Variants in PTK2B observed in about 807,000 individuals in gnomAD.
PTK2B encodes the protein protein tyrosine kinase 2 beta.
Under a neutral mutation model 142.9 loss-of-function variants are expected in PTK2B, and 71 were observed. That is an observed-to-expected ratio of 0.50 (90% CI 0.41 to 0.61). The LOEUF (loss-of-function observed/expected upper bound fraction) is 0.61, where lower values mean the gene tolerates loss of function less well. Among genes scored for constraint, PTK2B ranks in the 20% least tolerant of loss-of-function variants. The pLI is 0.00. For synonymous variants in PTK2B, 519 were observed against 503.4 expected, an observed-to-expected ratio of 1.03 and a Z score of -0.42; for missense variants, 1,105 against 1,320.4, an observed-to-expected ratio of 0.84 and a Z score of 2.53.
chr8:27,335,025 T>C (rs1425022202), intron 1 of PTK2B, among the ~76,000 whole-genome samples: 1 of 152,100 alleles, frequency 6.6e-6, no homozygotes, highest in African/African-American at 2.4e-5. Context: ...AGGAGAAAGA[T>C]GGGGAGGAGG....
At chr8:27,364,308 G>A (rs1356524872) in intron 1 of PTK2B, among the ~76,000 whole-genome samples, 1 of 152,244 alleles carries the variant, frequency 6.6e-6, no homozygotes, top group African/African-American at 2.4e-5. Flanking sequence ...ATACTCCTGG[G>A]TGAATGATGG....
rs190026336 is a variant in PTK2B at position 27,432,100 on chromosome 8, G to A, written c.886-160G>A. The A allele has an allele frequency of 1.1e-4, 67 of 610,692 alleles. No individual in the cohort carries two copies. The Admixed American group carries it at 1.6e-3, about 15-fold the overall frequency. 37.8% of individuals were successfully genotyped at this position (610,692 alleles called of 1,614,324 possible). On this transcript the variant is annotated intron_variant, in intron 9 of 30. Coordinates refer to ENST00000346049, the MANE Select transcript of PTK2B (RefSeq NM_173176.3). ...GGAAGCCAAAAGATTGGACACCCCT[G>A]AACTAGAGGATCCTTCTAGCCTTAA...
At position 27,458,812 on chromosome 8, in the gene PTK2B, G is replaced by C. The variant is rs1812318459; in HGVS notation, c.*303G>C. On this transcript the variant is annotated 3_prime_UTR_variant, in exon 31 of 31. Coordinates refer to ENST00000346049, the MANE Select transcript of PTK2B (RefSeq NM_173176.3). ...CTGGTCCATGCAGGGGGCTCCTGGGGGTGGGGAGGTGTCACATGGTGCCCC... is the reference window on the plus strand; with the variant it reads ...CTGGTCCATGCAGGGGGCTCCTGGGCGTGGGGAGGTGTCACATGGTGCCCC... The C allele has an allele frequency of 2.1e-6, 1 of 477,972 alleles. No homozygotes were observed. The highest frequency in any genetic ancestry group is 3.8e-6 in the Non-Finnish European group (1 of 262,462). 29.6% of individuals were successfully genotyped at this position (477,972 alleles called of 1,614,324 possible).
chr8:27,382,424 G>A (rs1426865720), intron 1 of PTK2B, among the ~76,000 whole-genome samples: 1 of 152,140 alleles, frequency 6.6e-6, no homozygotes, highest in Admixed American at 6.6e-5. Context: ...CACTCTGTCA[G>A]TTGTTTCCTT....
At chr8:27,382,005 A>G (rs1372726358) in intron 1 of PTK2B, among the ~76,000 whole-genome samples, 1 of 152,226 alleles carries the variant, frequency 6.6e-6, no homozygotes. Context: ...GCTGGAATGC[A>G]GTGGCATGAT....
chr8:27,428,159 A>G (rs1182444090), intron 5 of PTK2B, among the ~76,000 whole-genome samples: 1 of 152,158 alleles, frequency 6.6e-6, no homozygotes, highest in East Asian at 1.9e-4. Flanking sequence ...CCTCACATAC[A>G]TGGTTCACAC....
chr8:27,415,118 G>C (rs770449005), intron 2 of PTK2B, among the ~76,000 whole-genome samples: 1 of 152,202 alleles, frequency 6.6e-6, no homozygotes, highest in Non-Finnish European at 1.5e-5. Flanking sequence ...CTTGGGCCAA[G>C]CACCGTTCTA....
chr8:27,362,820 A>T (rs1452511782), intron 1 of PTK2B, among the ~76,000 whole-genome samples: 1 of 151,092 alleles, frequency 6.6e-6, no homozygotes, highest in Non-Finnish European at 1.5e-5. Flanking sequence ...TCCCACACGA[A>T]ATCTAGAACT....
chr8:27,453,297 T>C (rs1490279512), intron 28 of PTK2B, 137 bp downstream of exon 28: 1 of 1,200,154 alleles, frequency 8.3e-7, no homozygotes, highest in African/African-American at 1.5e-5. Context: ...AGCCCGGGGT[T>C]AGGGGGCGGG....
chr8:27,351,481 CACAG>C (rs1322320030), intron 1 of PTK2B, among the ~76,000 whole-genome samples: 1 of 152,128 alleles, frequency 6.6e-6, no homozygotes, highest in Non-Finnish European at 1.5e-5. Flanking sequence ...TCCACAGCCA[CACAG>C]ACAAAGAATT....
rs139042059 is a variant in PTK2B, at chr8:27,383,198, A to G, written c.-37-14350A>G. Among the ~76,000 whole-genome samples, 500 of 152,158 alleles carry G rather than the reference A, an allele frequency of 3.3e-3. 3 individuals carry two copies. Among genetic ancestry groups the G allele is most frequent in the African/African-American group, 0.011 (475 of 41,498 alleles). On this transcript the variant is annotated intron_variant, in intron 1 of 30. Transcript: ENST00000346049. ...TTATTCCAATCCATGAACATGGAAC[A>G]TTTTTCCATTTTGTGTGTGTGTCCT... is the stretch of plus-strand genomic sequence containing the variant.
At chr8:27,394,122 A>G (rs1177593718) in intron 1 of PTK2B, among the ~76,000 whole-genome samples, 2 of 152,190 alleles carry the variant, frequency 1.3e-5, no homozygotes, top group Non-Finnish European at 2.9e-5. Context: ...GCAGGTAATT[A>G]TAACACAATT....
rs545779914 is a variant in PTK2B at position 27,383,239 on chromosome 8, AC to A, written c.-37-14302del. On this transcript the variant is annotated intron_variant, in intron 1 of 30. Coordinates refer to ENST00000346049, the MANE Select transcript of PTK2B (RefSeq NM_173176.3). ...TGTGTGTCCTCTTCTAATTCTTCCC[AC>A]CCCCCCACTCTCCCAACACACGCCG... Among the ~76,000 whole-genome samples, 4 of 149,922 alleles carry A rather than the reference AC, an allele frequency of 2.7e-5. No homozygotes were observed. In the East Asian group the frequency reaches 5.9e-4, roughly 22 times the overall value.
intron 22 of PTK2B, 39 bp from the exon 23 acceptor site, chr8:27,444,167 A>C: frequency 6.4e-7 from 1 of 1,569,584 alleles, no homozygotes. Flanking sequence ...TCACTCAAGG[A>C]GAGGGACAGA....
chr8:27,329,084 C>T (rs1051576544), intron 1 of PTK2B, among the ~76,000 whole-genome samples: 11 of 151,890 alleles, frequency 7.2e-5, no homozygotes, highest in African/African-American at 2.7e-4. Flanking sequence ...ATTACAGGCA[C>T]GCACCACCAC....
chr8:27,426,781 C>G (rs770221209), intron 5 of PTK2B, among the ~76,000 whole-genome samples: 1 of 152,176 alleles, frequency 6.6e-6, no homozygotes, highest in Non-Finnish European at 1.5e-5. Flanking sequence ...GATGTGCTAG[C>G]TGAGCTTCCT....
intron 3 of PTK2B, 86 bp from the exon 4 acceptor site, chr8:27,420,571 G>A: frequency 2.3e-6 from 3 of 1,282,222 alleles, no homozygotes; most frequent in Admixed American, 3.4e-5. Context: ...ACTAGGGGAT[G>A]GGCTTGCTTC....
In PTK2B at chr8:27,450,904, C is replaced by T. The variant is rs778094849; in HGVS notation, c.2487+9C>T. 8 of 1,614,006 alleles carry T rather than the reference C, an allele frequency of 5.0e-6. No homozygotes were observed. The East Asian group carries it at 1.8e-4, about 36-fold the overall frequency. ...AGGAGGAGAAGTCCCTGGTGAGCAC[C>T]CCAGGAAGGATGTCGGTGCCCTGCA... On this transcript the variant is annotated intron_variant, in intron 25 of 30. Transcript: ENST00000346049.
At chr8:27,427,785 G>C (rs1400292596) in intron 5 of PTK2B, among the ~76,000 whole-genome samples, 1 of 152,094 alleles carries the variant, frequency 6.6e-6, no homozygotes, top group Non-Finnish European at 1.5e-5. Flanking sequence ...GGAGGAGGAA[G>C]AGGAGGAGGA....
Sources: gnomAD v4.1 joint callset for allele counts (sites outside exome capture counted in the v4.1 genomes callset) on GRCh38, gnomAD v4.1.1 for gene constraint, MANE v1.5 for transcripts, NCBI Gene and HGNC (gene_info 2026-07-23, HGNC 2026-07-21) for gene names.